Variants in LRCH1 observed in about 807,000 individuals in gnomAD.
LRCH1 encodes leucine-rich repeat and calponin homology domain-containing protein 1.
LRCH1 carries 23 observed loss-of-function variants against 94.9 expected under a neutral mutation model. The observed-to-expected ratio is 0.24, with a 90% confidence interval of 0.17 to 0.34. The LOEUF (loss-of-function observed/expected upper bound fraction) is 0.34, where lower values mean the gene tolerates loss of function less well. Ranked by LOEUF, LRCH1 falls within the 10% of genes least tolerant of loss-of-function variation. LRCH1 has a pLI of 1.00. For synonymous variants in LRCH1, 364 were observed against 354.9 expected (o/e 1.03, Z -0.29); for missense variants, 790 against 945.9 (o/e 0.84, Z 2.16).
intron 1 of LRCH1, among the ~76,000 whole-genome samples, chr13:46,554,030 GC>G (rs2050034311): frequency 6.6e-6 from 1 of 152,212 alleles, no homozygotes; most frequent in African/African-American, 2.4e-5. Context: ...TTGCAGGCGC[GC>G]CGCGTGCGCG....
At chr13:46,718,670 GA>G (rs1446026978) in intron 16 of LRCH1, among the ~76,000 whole-genome samples, 1 of 152,168 alleles carries the variant, frequency 6.6e-6, no homozygotes, top group Non-Finnish European at 1.5e-5. Context: ...CACCAGAAGG[GA>G]ATGAATGAAT....
Position 46,567,442 on chromosome 13 carries a change from G to T in LRCH1, c.307+13739G>T, listed in dbSNP as rs78679382. Among the ~76,000 whole-genome samples, 357 of 151,532 alleles carry T rather than the reference G, an allele frequency of 2.4e-3. 1 individual carries two copies. Among genetic ancestry groups the T allele is most frequent in the African/African-American group, 8.2e-3 (338 of 41,034 alleles). On this transcript the variant is annotated intron_variant, in intron 1 of 19. Coordinates refer to ENST00000389797, the MANE Select transcript of LRCH1 (RefSeq NM_001164211.2). ...CGGCAAATAGATCTCTCTTTGTGCAGTTCCCTTGGAGGTGAAAATGATAAT... is the reference window on the plus strand; with the variant it reads ...CGGCAAATAGATCTCTCTTTGTGCATTTCCCTTGGAGGTGAAAATGATAAT...
intron 1 of LRCH1, among the ~76,000 whole-genome samples, chr13:46,639,473 G>A (rs2051132914): frequency 6.6e-6 from 1 of 152,170 alleles, no homozygotes; most frequent in African/African-American, 2.4e-5. Context: ...GTAAGAGACT[G>A]TTACCAGCTG....
Position 46,667,524 on chromosome 13 carries a change from C to T in LRCH1, c.453-1506C>T, listed in dbSNP as rs1388228974. ...GGGAACATCACACACCGGGGCCTGT[C>T]GTGGGGTGGGGGGAGGGGGGGAGGG... On this transcript the variant is annotated intron_variant, in intron 2 of 19. Transcript: ENST00000389797. Among the ~76,000 whole-genome samples, 14 of 43,152 alleles carry T rather than the reference C, an allele frequency of 3.2e-4. No individual in the cohort carries two copies. In the South Asian group the frequency reaches 7.2e-3, roughly 22 times the overall value. The allele number at this position is 43,152 out of a possible 152,430, so 28.3% of individuals were successfully genotyped here. A position where few individuals can be genotyped will look rare whatever the true frequency, so the allele number is the denominator to read the frequency against.
chr13:46,685,271 C>T (rs955677961), intron 4 of LRCH1, among the ~76,000 whole-genome samples: 4 of 152,292 alleles, frequency 2.6e-5, no homozygotes, highest in East Asian at 1.9e-4. Flanking sequence ...GTCTACTGTG[C>T]CACTGGGTGG....
chr13:46,609,003 G>T (rs186028339), intron 1 of LRCH1, among the ~76,000 whole-genome samples: 1 of 152,136 alleles, frequency 6.6e-6, no homozygotes, highest in Non-Finnish European at 1.5e-5. Flanking sequence ...GACCTCCCGA[G>T]CTGTATGGCA....
At chr13:46,750,404 A>G (rs1250423655) in intron 18 of LRCH1, 1 of 603,896 alleles carries the variant, frequency 1.7e-6, no homozygotes, top group African/African-American at 1.9e-5. Context: ...AAAGCAAAGG[A>G]AGGAGCTTGG....
At chr13:46,686,531 G>T (rs1870624941) in intron 5 of LRCH1, among the ~76,000 whole-genome samples, 1 of 151,190 alleles carries the variant, frequency 6.6e-6, no homozygotes, top group Non-Finnish European at 1.5e-5. Context: ...AATATTTTGA[G>T]GTTTTAAAGG....
chr13:46,611,045 G>A (rs769055069), intron 1 of LRCH1, among the ~76,000 whole-genome samples: 1 of 152,188 alleles, frequency 6.6e-6, no homozygotes, highest in Non-Finnish European at 1.5e-5. Flanking sequence ...CTCTAGAGGT[G>A]CTGGGATCTA....
At chr13:46,750,491 T>TGAGA (rs1874080309) in intron 18 of LRCH1, 2 of 1,292,758 alleles carry the variant, frequency 1.5e-6, no homozygotes, top group East Asian at 2.5e-5. Flanking sequence ...GATTTTACAA[T>TGAGA]GAGAGTACAA....
At chr13:46,574,530 G>A (rs1423873886) in intron 1 of LRCH1, among the ~76,000 whole-genome samples, 1 of 152,110 alleles carries the variant, frequency 6.6e-6, no homozygotes, top group Non-Finnish European at 1.5e-5. Flanking sequence ...GGCATTTTCC[G>A]ACTATGTTGA....
At chr13:46,666,675 T>G (rs562921798) in intron 2 of LRCH1, among the ~76,000 whole-genome samples, 2 of 152,390 alleles carry the variant, frequency 1.3e-5, no homozygotes, top group East Asian at 3.8e-4. Flanking sequence ...TATTTGCCGA[T>G]CCTCACTTTA....
chr13:46,667,445 A>G (rs1044728210), intron 2 of LRCH1, among the ~76,000 whole-genome samples: 4 of 146,312 alleles, frequency 2.7e-5, no homozygotes, highest in South Asian at 2.2e-4. Context: ...AAGAATTTTC[A>G]TGTTCTCACT....
Position 46,742,039 on chromosome 13 carries a change from AT to A in LRCH1, c.*193del. 1 of 1,437,234 alleles carries A rather than the reference AT, an allele frequency of 7.0e-7. No homozygotes were observed. Among genetic ancestry groups the A allele is most frequent in the Non-Finnish European group, 9.1e-7 (1 of 1,101,130 alleles). The allele number at this position is 1,437,234 out of a possible 1,614,324, so 89.0% of individuals were successfully genotyped here. ...ACTTTGTAGAATACAGTTTAGTATA[AT>A]TCCTCTCACTTACTGAAATACAACG... On this transcript the variant is annotated 3_prime_UTR_variant, in exon 20 of 20. Coordinates refer to ENST00000389797, the MANE Select transcript of LRCH1 (RefSeq NM_001164211.2).
chr13:46,681,297 C>T (rs577765665), intron 3 of LRCH1, among the ~76,000 whole-genome samples: 24 of 152,278 alleles, frequency 1.6e-4, no homozygotes, highest in African/African-American at 2.6e-4. Context: ...TTTAGAGGCA[C>T]GATGGGATAG....
rs375674156 is a variant in LRCH1 at position 46,734,040 on chromosome 13, A to G, written c.2085+42A>G. 1.7e-4 allele frequency: 181 copies of G among 1,095,594 alleles called. 1 individual carries two copies. In the Middle Eastern group the frequency reaches 2.9e-3, roughly 17 times the overall value. The allele number at this position is 1,095,594 out of a possible 1,614,324, so 67.9% of individuals were successfully genotyped here. On this transcript the variant is annotated intron_variant, in intron 19 of 19. Transcript: ENST00000389797. ...TTCATATAACTGTGTTCTAGTAAAAATTTTATTTAATATATGAGTTTGAAC... is the reference window on the plus strand; with the variant it reads ...TTCATATAACTGTGTTCTAGTAAAAGTTTTATTTAATATATGAGTTTGAAC...
At chr13:46,573,071 G>T (rs1380545368) in intron 1 of LRCH1, among the ~76,000 whole-genome samples, 2 of 152,270 alleles carry the variant, frequency 1.3e-5, no homozygotes, top group Middle Eastern at 3.4e-3. Context: ...GCAGAGCAAT[G>T]CCTGGCATCT....
At chr13:46,624,667 T>C (rs925037449) in intron 1 of LRCH1, among the ~76,000 whole-genome samples, 5 of 152,156 alleles carry the variant, frequency 3.3e-5, no homozygotes, top group Non-Finnish European at 7.4e-5. Context: ...ACTGGACAGA[T>C]GAGGTAGGGG....
chr13:46,728,800 T>A, intron 17 of LRCH1, 47 bp from the exon 18 acceptor site: 1 of 1,530,416 alleles, frequency 6.5e-7, no homozygotes, highest in Non-Finnish European at 8.9e-7. Context: ...TACTCACAGT[T>A]ACCTCAGTGT....
Sources: allele counts gnomAD v4.1 joint callset (sites outside exome capture counted in the v4.1 genomes callset), GRCh38; gene constraint gnomAD v4.1.1; transcripts MANE v1.5; gene names NCBI Gene and HGNC (gene_info 2026-07-23, HGNC 2026-07-21).